PTPRZ1: variants seen among roughly 807,000 people sequenced by gnomAD.
PTPRZ1 encodes receptor-type tyrosine-protein phosphatase zeta.
In PTPRZ1, 82 loss-of-function variants were observed where a neutral mutation model predicts 214.1. That is an observed-to-expected ratio of 0.38 (90% CI 0.32 to 0.46). The LOEUF is 0.46. PTPRZ1 is among the 20% of genes least tolerant of loss of function. PTPRZ1 has a pLI of 1.00. For missense variants in PTPRZ1, 2,603 were observed against 2,748.7 expected (o/e 0.95, Z 1.19); for synonymous variants, 945 against 987.9 (o/e 0.96, Z 0.81).
intron 1 of PTPRZ1, among the ~76,000 whole-genome samples, chr7:121,912,506 T>C (rs2116313569): frequency 6.6e-6 from 1 of 152,324 alleles, no homozygotes; most frequent in East Asian, 1.9e-4. Flanking sequence ...TGTATGTTCA[T>C]TGAAATATGA....
In PTPRZ1 at chr7:121,984,058, A is replaced by G. The variant is rs746322556; in HGVS notation, c.869A>G (p.Tyr290Cys). The change falls in exon 8 of 30, where the codon TAC becomes TGC. Residue 290 changes from tyrosine (Y) to cysteine (C), a missense_variant. Transcript: ENST00000393386. ...CAAAACAATTTTCGAGAGCAACAGT[A>G]CAAGTTCTCTAGACAGGTGTTTTCC... ...YLQNNFREQQYKFSRQVFSSY... is the reference protein window; with the variant it reads ...YLQNNFREQQCKFSRQVFSSY... 2 of 1,613,582 alleles carry G rather than the reference A, an allele frequency of 1.2e-6. No homozygotes were observed. Among genetic ancestry groups the G allele is most frequent in the South Asian group, 1.1e-5 (1 of 91,082 alleles).
intron 8 of PTPRZ1, among the ~76,000 whole-genome samples, chr7:121,993,888 A>T (rs558022716): frequency 2.0e-5 from 3 of 152,286 alleles, no homozygotes; most frequent in African/African-American, 7.2e-5. Context: ...CACATCTAAA[A>T]TAAAAGATTT....
At chr7:121,975,713 A>G (rs900419138) in intron 4 of PTPRZ1, among the ~76,000 whole-genome samples, 3 of 152,158 alleles carry the variant, frequency 2.0e-5, no homozygotes, top group African/African-American at 7.2e-5. Context: ...TCACAGCTGG[A>G]AAGGAGAATC....
At chr7:122,031,696 T>C (rs969905628) in intron 15 of PTPRZ1, 137 bp downstream of exon 15, 2 of 575,028 alleles carry the variant, frequency 3.5e-6, no homozygotes, top group African/African-American at 1.9e-5. Flanking sequence ...CATAATTACA[T>C]ATGTGTTTAG....
At chr7:121,957,807 C>T (rs141157771) in intron 2 of PTPRZ1, among the ~76,000 whole-genome samples, 147 of 152,312 alleles carry the variant, frequency 9.7e-4, no homozygotes, top group Non-Finnish European at 1.7e-3. Context: ...TGGGATGCAG[C>T]TGTAAAACAG....
intron 17 of PTPRZ1, 106 bp downstream of exon 17, chr7:122,034,484 G>A: frequency 2.2e-6 from 2 of 918,410 alleles, no homozygotes; most frequent in Non-Finnish European, 3.4e-6. Flanking sequence ...GTGGCTGTTT[G>A]GGGCCTTTTT....
chr7:121,998,058 T>A (rs755572134), intron 10 of PTPRZ1, 52 bp downstream of exon 10: 1 of 1,546,032 alleles, frequency 6.5e-7, no homozygotes. Flanking sequence ...GAGGTTAGTT[T>A]AATTACTGTA....
At chr7:122,026,231 T>C (rs1265953761) in intron 13 of PTPRZ1, among the ~76,000 whole-genome samples, 1 of 152,204 alleles carries the variant, frequency 6.6e-6, no homozygotes, top group Non-Finnish European at 1.5e-5. Context: ...CTGGACCTTC[T>C]TAACCATAGG....
In PTPRZ1 at chr7:122,012,578, A is replaced by C; in HGVS notation, c.3532A>C (p.Thr1178Pro). The C allele has an allele frequency of 6.2e-7, 1 of 1,613,196 alleles. No individual in the cohort carries two copies. The highest frequency in any genetic ancestry group is 8.5e-7 in the Non-Finnish European group (1 of 1,179,152). ...LFYETSASFS[T>P]EVLLQPSFQA... is the part of the protein sequence containing the mutation. ...TTATGAGACCTCAGCTTCTTTTAGT[A>C]CTGAAGTATTGCTACAACCTTCCTT... The change falls in exon 12 of 30, where the codon ACT (threonine) becomes CCT (proline). Residue 1178 changes from threonine to proline, a missense_variant. Physicochemically the swap from Thr to Pro is conservative, Grantham distance 38. Transcript: ENST00000393386.
At chr7:121,899,811 A>G (rs1311962562) in intron 1 of PTPRZ1, among the ~76,000 whole-genome samples, 7 of 152,330 alleles carry the variant, frequency 4.6e-5, no homozygotes, top group Non-Finnish European at 5.9e-5. Context: ...TTTATGGACT[A>G]TTGGAGACCA....
At chr7:122,056,732 C>G (rs1309359738) in intron 27 of PTPRZ1, among the ~76,000 whole-genome samples, 1 of 151,680 alleles carries the variant, frequency 6.6e-6, no homozygotes, top group Non-Finnish European at 1.5e-5. Flanking sequence ...AGAACATGGC[C>G]TTGACCATCA....
intron 15 of PTPRZ1, among the ~76,000 whole-genome samples, chr7:122,033,155 T>C (rs1185359639): frequency 1.3e-5 from 2 of 152,056 alleles, no homozygotes; most frequent in African/African-American, 4.8e-5. Flanking sequence ...CTATCTCTTT[T>C]AACTCACTGC....
At chr7:121,938,422 A>G (rs988244845) in intron 2 of PTPRZ1, among the ~76,000 whole-genome samples, 2 of 152,212 alleles carry the variant, frequency 1.3e-5, no homozygotes, top group Non-Finnish European at 2.9e-5. Context: ...TGGAGTGACT[A>G]TTTGTGTTAC....
At chr7:121,935,261 C>T (rs1796042287) in intron 2 of PTPRZ1, among the ~76,000 whole-genome samples, 1 of 152,002 alleles carries the variant, frequency 6.6e-6, no homozygotes, top group Admixed American at 6.6e-5. Context: ...TGTGTCTCCC[C>T]TATTAAAAAA....
chr7:121,977,818 C>T (rs1240993914), intron 6 of PTPRZ1, among the ~76,000 whole-genome samples: 2 of 152,018 alleles, frequency 1.3e-5, no homozygotes, highest in Middle Eastern at 6.8e-3. Context: ...TTTAATTTTC[C>T]CCACTTGAGT....
intron 13 of PTPRZ1, among the ~76,000 whole-genome samples, chr7:122,027,332 T>C (rs1360527499): frequency 6.6e-6 from 1 of 152,152 alleles, no homozygotes; most frequent in Non-Finnish European, 1.5e-5. Context: ...CTGAAGTAGG[T>C]TGGGGGCCAG....
At chr7:121,974,036 T>C (rs1240350908) in intron 4 of PTPRZ1, among the ~76,000 whole-genome samples, 2 of 151,950 alleles carry the variant, frequency 1.3e-5, no homozygotes, top group Non-Finnish European at 2.9e-5. Context: ...GCCTCTTATT[T>C]TCTCCTTTCA....
chr7:121,958,370 C>G (rs1372802738), intron 2 of PTPRZ1, among the ~76,000 whole-genome samples: 1 of 152,110 alleles, frequency 6.6e-6, no homozygotes, highest in Non-Finnish European at 1.5e-5. Context: ...TTTCATGATA[C>G]CATTTTCTCC....
In PTPRZ1 at chr7:121,982,002, A is replaced by G. The variant is rs567350143; in HGVS notation, c.620-1663A>G. Among the ~76,000 whole-genome samples, 9 of 152,234 alleles carry G rather than the reference A, an allele frequency of 5.9e-5. No homozygotes were observed. The South Asian group carries it at 1.9e-3, about 32-fold the overall frequency. On this transcript the variant is annotated intron_variant, in intron 6 of 29. Coordinates refer to ENST00000393386, the MANE Select transcript of PTPRZ1 (RefSeq NM_002851.3). ...ATTAGGTTATGATGATAATTTTTTA[A>G]TGTTTTCATTTAAAAGCATTATGAA...
Sources: gnomAD v4.1 joint callset for allele counts (sites outside exome capture counted in the v4.1 genomes callset) on GRCh38, gnomAD v4.1.1 for gene constraint, MANE v1.5 for transcripts, NCBI Gene and HGNC (gene_info 2026-07-23, HGNC 2026-07-21) for gene names.